The following FARP2 variants were observed in gnomAD, a reference collection of about 807,000 sequenced individuals.
FARP2 encodes FERM, ARH/RhoGEF and pleckstrin domain protein 2.
A neutral mutation model predicts 130.5 loss-of-function variants in FARP2; 111 were observed. That is an observed-to-expected ratio of 0.85 (90% CI 0.73 to 1.00). FARP2 has a LOEUF of 1.00. Ranked by LOEUF, FARP2 falls within the 50% of genes least tolerant of loss-of-function variation. The pLI is 0.00. For synonymous variants in FARP2, 504 were observed against 516.9 expected, an observed-to-expected ratio of 0.98 and a Z score of 0.34; for missense variants, 1,385 against 1,346.3, an observed-to-expected ratio of 1.03 and a Z score of -0.45.
intron 9 of FARP2, among the ~76,000 whole-genome samples, chr2:241,433,311 G>A (rs1199102718): frequency 6.6e-6 from 1 of 152,154 alleles, no homozygotes; most frequent in Admixed American, 6.6e-5. Context: ...AAGTATTACA[G>A]TCTTTGTGGA....
intron 9 of FARP2, 82 bp from the exon 10 acceptor site, chr2:241,434,076 C>A: frequency 2.8e-6 from 3 of 1,063,878 alleles, no homozygotes; most frequent in Non-Finnish European, 4.1e-6. Flanking sequence ...AATTCCCTAT[C>A]GTGTGATCTG....
At chr2:241,386,863 T>G (rs1399837050) in intron 2 of FARP2, 1 of 152,266 alleles carries the variant, frequency 6.6e-6, no homozygotes, top group Non-Finnish European at 1.5e-5. Context: ...ATGGTTTCAA[T>G]AACACTTTTT....
At chr2:241,465,445 A>G (rs1445378528) in intron 17 of FARP2, 2 of 1,548,330 alleles carry the variant, frequency 1.3e-6, no homozygotes, top group Non-Finnish European at 1.7e-6. Context: ...CTAGGCTCAT[A>G]GGTTTTTCTT....
At chr2:241,363,949 A>G (rs1360709164) in intron 1 of FARP2, among the ~76,000 whole-genome samples, 3 of 152,232 alleles carry the variant, frequency 2.0e-5, no homozygotes, top group Non-Finnish European at 4.4e-5. Context: ...GGTGGTGCCT[A>G]TGTTGGAATT....
intron 2 of FARP2, chr2:241,387,055 C>G (rs981052040): frequency 3.3e-5 from 5 of 152,160 alleles, no homozygotes; most frequent in African/African-American, 1.2e-4. Flanking sequence ...AAATATGTTT[C>G]TTATATACAG....
At chr2:241,389,479 G>A (rs1430009120) in intron 2 of FARP2, among the ~76,000 whole-genome samples, 2 of 152,172 alleles carry the variant, frequency 1.3e-5, no homozygotes, top group Non-Finnish European at 2.9e-5. Flanking sequence ...CCAGCCTCCA[G>A]AACTATGAGA....
chr2:241,373,244 T>C lies in FARP2; in HGVS notation c.137T>C (p.Leu46Pro). ...LPRMQEKHLHLRVKLLDNTME... is the reference protein window; with the variant it reads ...LPRMQEKHLHPRVKLLDNTME... ...AGAATGCAAGAGAAGCACCTGCACC[T>C]CAGAGTAAAGCTGCTGGACAACACC... The change falls in exon 2 of 27, where the codon CTC (leucine) becomes CCC (proline). Residue 46 changes from leucine to proline, a missense_variant. Physicochemically the swap from Leu to Pro is moderately conservative, Grantham distance 98. Transcript: ENST00000264042. The C allele has an allele frequency of 6.5e-7, 1 of 1,547,088 alleles. No individual in the cohort carries two copies.
intron 13 of FARP2, chr2:241,442,783 A>G (rs2063420613): frequency 3.4e-6 from 1 of 290,574 alleles, no homozygotes; most frequent in South Asian, 3.2e-5. Context: ...GGACCGATAA[A>G]TTAGTCTTTG....
chr2:241,456,321 G>A (rs2063836158), intron 13 of FARP2: 1 of 155,092 alleles, frequency 6.4e-6, no homozygotes, highest in Non-Finnish European at 1.4e-5. Flanking sequence ...TGTTAGCCCT[G>A]GTTTGACATC....
chr2:241,405,898 C>CA (rs1423453631), intron 4 of FARP2, among the ~76,000 whole-genome samples: 1 of 152,018 alleles, frequency 6.6e-6, no homozygotes, highest in Non-Finnish European at 1.5e-5. Context: ...GACACCACTG[C>CA]ACTCCAGCCT....
intron 2 of FARP2, among the ~76,000 whole-genome samples, chr2:241,402,656 C>CT (rs1399842398): frequency 6.6e-6 from 1 of 150,510 alleles, no homozygotes; most frequent in East Asian, 1.9e-4. Context: ...CAATAAAACT[C>CT]TATTTCCATT....
intron 1 of FARP2, among the ~76,000 whole-genome samples, chr2:241,357,729 C>G (rs2150271475): frequency 6.6e-6 from 1 of 152,284 alleles, no homozygotes; most frequent in African/African-American, 2.4e-5. Flanking sequence ...AAACTAAATG[C>G]TGATGATGCA....
chr2:241,470,380 G>C (rs2064275714), intron 18 of FARP2, among the ~76,000 whole-genome samples: 1 of 151,198 alleles, frequency 6.6e-6, no homozygotes, highest in Non-Finnish European at 1.5e-5. Flanking sequence ...ACTCAGTTAC[G>C]AGGGGACGTG....
At chr2:241,462,700 C>CT in intron 15 of FARP2, 88 bp downstream of exon 15, 3 of 963,302 alleles carry the variant, frequency 3.1e-6, no homozygotes, top group Middle Eastern at 2.2e-4. Context: ...TTCTTTTTTT[C>CT]TTTTTTTGAG....
At chr2:241,483,730 TC>T in intron 20 of FARP2, 197 bp downstream of exon 20, 2 of 915,042 alleles carry the variant, frequency 2.2e-6, no homozygotes, top group South Asian at 5.0e-5. Context: ...GAAAACAGCT[TC>T]CCCACCCACC....
intron 19 of FARP2, chr2:241,478,346 C>T (rs1000812817): frequency 5.4e-6 from 1 of 186,036 alleles, no homozygotes; most frequent in South Asian, 1.1e-4. Context: ...CTGGGGCAGC[C>T]TTAGGGCAGG....
At chr2:241,402,845 T>TATATATATATATATATAC (rs2062209559) in intron 2 of FARP2, among the ~76,000 whole-genome samples, 2 of 6,586 alleles carry the variant, frequency 3.0e-4, no homozygotes, top group East Asian at 6.8e-3. Context: ...TTTATATATA[T>TATATATATATATATATAC]ATATATATAT....
intron 8 of FARP2, among the ~76,000 whole-genome samples, chr2:241,427,385 G>C (rs775933432): frequency 3.3e-5 from 5 of 152,146 alleles, no homozygotes; most frequent in Non-Finnish European, 4.4e-5. Context: ...GAAGCCCAGC[G>C]TGGTAGCTCA....
Position 241,373,870 on chromosome 2 carries a change from CA to C in FARP2, c.183+582del, listed in dbSNP as rs759420152. Among the ~76,000 whole-genome samples, 20 of 152,154 alleles carry C rather than the reference CA, an allele frequency of 1.3e-4. No individual in the cohort carries two copies. The East Asian group carries it at 2.9e-3, about 22-fold the overall frequency. ...TAGAAGATTGCACTGGTAATATTAG[CA>C]AGAACAATTAAATATACTAAGAATA... On this transcript the variant is annotated intron_variant, in intron 2 of 26. Coordinates refer to ENST00000264042, the MANE Select transcript of FARP2 (RefSeq NM_014808.4).
Sources: gnomAD v4.1 joint callset for allele counts (sites outside exome capture counted in the v4.1 genomes callset) on GRCh38, gnomAD v4.1.1 for gene constraint, MANE v1.5 for transcripts, NCBI Gene and HGNC (gene_info 2026-07-23, HGNC 2026-07-21) for gene names.